Variants in SCAF8 observed in about 807,000 individuals in gnomAD.
SCAF8 encodes the protein SR-related and CTD-associated factor 8.
A neutral mutation model predicts 140.5 loss-of-function variants in SCAF8; 23 were observed. That is an observed-to-expected ratio of 0.16 (90% confidence interval 0.12 to 0.23). The LOEUF (loss-of-function observed/expected upper bound fraction) is 0.23, where lower values mean the gene tolerates loss of function less well. Ranked by LOEUF, SCAF8 falls within the 10% of genes least tolerant of loss-of-function variation. The pLI, the probability that SCAF8 is intolerant of heterozygous loss-of-function variation, is 1.00. For missense variants in SCAF8, 1,397 were observed against 1,555.7 expected (o/e 0.90, Z 1.72); for synonymous variants, 575 against 528.9 (o/e 1.09, Z -1.20).
rs527969917 is a variant in SCAF8, at chr6:154,833,236, A to C, written c.3657A>C (p.Thr1219=). 1 of 1,614,090 alleles carries C rather than the reference A, an allele frequency of 6.2e-7. No individual in the cohort carries two copies. The highest frequency in any genetic ancestry group is 1.3e-5 in the African/African-American group (1 of 75,060). Residue 1219 remains threonine (T), a synonymous_variant, in exon 20 of 20, where the codon ACA becomes ACC. Transcript: ENST00000367178. ...DNVPQVNGEN[T]ERHAQPPPIP... ...TGCCTCAGGTTAATGGTGAAAATAC[A>C]GAGAGACATGCTCAGCCACCACCTA...
chr6:154,795,759 G>A (rs1318883436), intron 6 of SCAF8, among the ~76,000 whole-genome samples: 1 of 152,150 alleles, frequency 6.6e-6, no homozygotes, highest in East Asian at 1.9e-4. Context: ...GAATAGAGGG[G>A]AATCACAAAA....
At chr6:154,831,834 C>T (rs1311852196) in intron 19 of SCAF8, 105 bp from the exon 20 acceptor site, 1 of 835,922 alleles carries the variant, frequency 1.2e-6, no homozygotes, top group African/African-American at 1.8e-5. Flanking sequence ...CATGTAGTAG[C>T]TAATGTACCT....
At chr6:154,829,540 G>A (rs1264489916) in intron 18 of SCAF8, among the ~76,000 whole-genome samples, 1 of 152,028 alleles carries the variant, frequency 6.6e-6, no homozygotes, top group Non-Finnish European at 1.5e-5. Context: ...GATATATAAA[G>A]GTTTTAACTT....
chr6:154,776,510 GTTTTA>G (rs1429022872), intron 2 of SCAF8, among the ~76,000 whole-genome samples: 1 of 152,106 alleles, frequency 6.6e-6, no homozygotes, highest in Non-Finnish European at 1.5e-5. Context: ...TTATGAAGTA[GTTTTA>G]TTTTAATTAT....
At chr6:154,756,899 A>C (rs925430491) in intron 1 of SCAF8, among the ~76,000 whole-genome samples, 3 of 152,086 alleles carry the variant, frequency 2.0e-5, no homozygotes, top group African/African-American at 7.2e-5. Flanking sequence ...ATGTTGGTGC[A>C]TTCCTGTAGT....
At chr6:154,789,824 C>T (rs1014125327) in intron 4 of SCAF8, among the ~76,000 whole-genome samples, 5 of 152,150 alleles carry the variant, frequency 3.3e-5, no homozygotes, top group African/African-American at 9.7e-5. Context: ...GGATTACAGG[C>T]GTGAGCCACC....
At chr6:154,754,234 T>G (rs982053972) in intron 1 of SCAF8, among the ~76,000 whole-genome samples, 1 of 152,248 alleles carries the variant, frequency 6.6e-6, no homozygotes, top group African/African-American at 2.4e-5. Flanking sequence ...TTAAAATTCA[T>G]GTTTAAATGC....
Position 154,746,192 on chromosome 6 carries a change from A to G in SCAF8, c.30+12262A>G, listed in dbSNP as rs149735104. On this transcript the variant is annotated intron_variant, in intron 1 of 19. Transcript: ENST00000367178. ...TAAGCCACCGCACCCAGCTAAACTC[A>G]TGGATTTTTTTCTTAATTCACTGAG... 4.6e-4 allele frequency among the ~76,000 whole-genome samples: 70 copies of G among 152,268 alleles called. 1 individual carries two copies. In the East Asian group the frequency reaches 0.013, roughly 27 times the overall value.
Position 154,793,095 on chromosome 6 carries a change from AAG to A in SCAF8, c.475+121_475+122del, listed in dbSNP as rs1777472069. 5.1e-6 allele frequency: 3 copies of A among 590,146 alleles called. No homozygotes were observed. In the South Asian group the frequency reaches 1.6e-4, roughly 32 times the overall value. 36.6% of individuals were successfully genotyped at this position (590,146 alleles called of 1,614,324 possible). A position where few individuals can be genotyped will look rare whatever the true frequency, so the allele number is the denominator to read the frequency against. On this transcript the variant is annotated intron_variant, in intron 5 of 19. Transcript: ENST00000367178. ...AATTTGTCCAGCATTACATAATTGA[AAG>A]AAAATATTTGTAGAGAAAAATAAAA...
chr6:154,738,827 CTG>C (rs1429355303), intron 1 of SCAF8, among the ~76,000 whole-genome samples: 1 of 152,332 alleles, frequency 6.6e-6, no homozygotes, highest in East Asian at 1.9e-4. Flanking sequence ...TATCTATACT[CTG>C]TACTTAAGAA....
chr6:154,815,829 T>A lies in SCAF8; in HGVS notation c.1521+13T>A. ...TGAATCCATTAATGCAAGTATCAGT[T>A]CTTAATAATTTAAGGTTTTAAAAAA... On this transcript the variant is annotated intron_variant, in intron 13 of 19. Transcript: ENST00000367178. The A allele has an allele frequency of 6.5e-7, 1 of 1,526,972 alleles. No homozygotes were observed. Among genetic ancestry groups the A allele is most frequent in the Non-Finnish European group, 9.1e-7 (1 of 1,102,368 alleles). 94.6% of individuals were successfully genotyped at this position (1,526,972 alleles called of 1,614,324 possible).
chr6:154,787,924 C>T lies in SCAF8; in HGVS notation c.223C>T (p.His75Tyr), dbSNP rs1451022175. The T allele has an allele frequency of 6.2e-7, 1 of 1,613,624 alleles. No individual in the cohort carries two copies. The highest frequency in any genetic ancestry group is 8.5e-7 in the Non-Finnish European group (1 of 1,179,788). Residue 75 changes from histidine (H) to tyrosine (Y), a missense_variant, in exon 4 of 20, where the codon CAT becomes TAT. Transcript: ENST00000367178. ...VIDSIVRQSR[H>Y]QFGQEKDVFA... ...TGACTCCATTGTGCGACAATCCCGA[C>T]ATCAGTTTGGTCAAGAAAAGGATGT...
chr6:154,811,475 G>A (rs746075572), intron 12 of SCAF8, among the ~76,000 whole-genome samples: 43 of 150,538 alleles, frequency 2.9e-4, no homozygotes, highest in South Asian at 4.2e-4. Context: ...GTGCAGGTTT[G>A]TTACATAGGT....
Position 154,832,995 on chromosome 6 carries a change from G to A in SCAF8, c.3416G>A (p.Arg1139Gln), listed in dbSNP as rs564888062. 9.3e-6 allele frequency: 15 copies of A among 1,614,132 alleles called. No homozygotes were observed. In the East Asian group the frequency reaches 1.3e-4, roughly 14 times the overall value. The change falls in exon 20 of 20, where the codon CGA becomes CAA. Residue 1139 changes from arginine (R) to glutamine (Q), a missense_variant. Coordinates refer to ENST00000367178, the MANE Select transcript of SCAF8 (RefSeq NM_014892.5). ...GATCCTAGAAGTGGTCCTTGGAACC[G>A]AGGATTTGGACAAGAAGTTCACAGA... ...RFDPRSGPWN[R>Q]GFGQEVHRDF...
intron 12 of SCAF8, among the ~76,000 whole-genome samples, chr6:154,811,400 T>G (rs1778086348): frequency 6.6e-6 from 1 of 152,152 alleles, no homozygotes; most frequent in African/African-American, 2.4e-5. Context: ...ACACAGTTTT[T>G]TTTTTTTTAA....
rs1488437843 is a variant in SCAF8 at position 154,830,927 on chromosome 6, G to A, written c.2146G>A (p.Val716Met). ...TIPPVVPTSL[V>M]QPSLSMTPET... ...TTTTTCTCCTCTTTAAACAGCTTTA[G>A]TGCAGCCGTCATTATCCATGACACC... The change falls in exon 19 of 20, where the codon GTG becomes ATG. Residue 716 changes from valine (V) to methionine (M), a missense_variant. Physicochemically the swap from Val to Met is conservative, Grantham distance 21. This residue lies in a region of SCAF8 where 930 missense variants were observed against 874.6 expected (regional missense o/e 1.06). Transcript: ENST00000367178. The A allele has an allele frequency of 1.9e-6, 3 of 1,613,402 alleles. No homozygotes were observed. Among genetic ancestry groups the A allele is most frequent in the Non-Finnish European group, 2.5e-6 (3 of 1,179,374 alleles).
At position 154,759,958 on chromosome 6, in the gene SCAF8, C is replaced by G. The variant is rs576776991; in HGVS notation, c.31-14031C>G. ...TGTTGGGATTACAGGCGTGAGCCAC[C>G]GTGCCTGGCCATCATAATAATTTTA... On this transcript the variant is annotated intron_variant, in intron 1 of 19. Coordinates refer to ENST00000367178, the MANE Select transcript of SCAF8 (RefSeq NM_014892.5). 2.0e-5 allele frequency among the ~76,000 whole-genome samples: 3 copies of G among 152,090 alleles called. No homozygotes were observed. In the East Asian group the frequency reaches 5.8e-4, roughly 29 times the overall value.
At chr6:154,780,375 ATTTAAG>A (rs1383290508) in intron 3 of SCAF8, among the ~76,000 whole-genome samples, 2 of 141,576 alleles carry the variant, frequency 1.4e-5, no homozygotes, top group South Asian at 2.2e-4. Flanking sequence ...TTTTTTTTAA[ATTTAAG>A]TTCTGGTATA....
intron 1 of SCAF8, among the ~76,000 whole-genome samples, chr6:154,768,152 G>T (rs1407875546): frequency 3.3e-5 from 5 of 152,120 alleles, no homozygotes; most frequent in Non-Finnish European, 7.4e-5. Flanking sequence ...TTTGACAGTG[G>T]TCCTTATAGG....
Sources: allele counts gnomAD v4.1 joint callset (sites outside exome capture counted in the v4.1 genomes callset), GRCh38; gene constraint gnomAD v4.1.1; regional missense constraint gnomAD v4.1.1; transcripts MANE v1.5; gene names NCBI Gene and HGNC (gene_info 2026-07-23, HGNC 2026-07-21).